The following TG variants were observed in gnomAD, a reference collection of about 807,000 sequenced individuals.
TG encodes thyroid hormones.
In TG, 270 loss-of-function variants were observed where a neutral mutation model predicts 324.7. That is an observed-to-expected ratio of 0.83 (90% confidence interval 0.75 to 0.92). TG has a LOEUF of 0.92. Ranked by LOEUF, TG falls within the 40% of genes least tolerant of loss-of-function variation. TG has a pLI of 0.00. For synonymous variants in TG, 1,401 were observed against 1,327.0 expected, an observed-to-expected ratio of 1.06 and a Z score of -1.21; for missense variants, 3,591 against 3,456.4, an observed-to-expected ratio of 1.04 and a Z score of -0.98.
intron 32 of TG, among the ~76,000 whole-genome samples, chr8:132,970,872 A>T (rs1340337990): frequency 1.3e-5 from 2 of 152,176 alleles, no homozygotes; most frequent in Non-Finnish European, 2.9e-5. Context: ...GAACTAGGAG[A>T]TGGAAAAGCA....
intron 10 of TG, among the ~76,000 whole-genome samples, chr8:132,892,853 G>GTGTGTGTGGTATGCGTGTGTGTA (rs1816436711): frequency 6.8e-6 from 1 of 147,008 alleles, no homozygotes; most frequent in African/African-American, 2.5e-5. Flanking sequence ...TGTGGTGTAT[G>GTGTGTGTGGTATGCGTGTGTGTA]TGTGTGTGGT....
In TG at chr8:132,886,972, A is replaced by T. The variant is rs1465705619; in HGVS notation, c.1600A>T (p.Thr534Ser). The change falls in exon 9 of 48, where the codon ACC (threonine) becomes TCC (serine). Residue 534 changes from threonine to serine, a missense_variant. Thr to Ser is a moderately conservative substitution (Grantham distance 58). Transcript: ENST00000220616. ...VGLDSNSSTG[T>S]PEAAKKDGTM... is the part of the protein sequence containing the mutation. ...ATTAGATTCAAATTCTTCCACAGGA[A>T]CCCCTGAAGCTGCTAAGAAGGATGG... 3 of 1,614,170 alleles carry T rather than the reference A, an allele frequency of 1.9e-6. No individual in the cohort carries two copies. The highest frequency in any genetic ancestry group is 2.5e-6 in the Non-Finnish European group (3 of 1,180,042).
At chr8:133,087,812 G>A (rs1290672806) in intron 41 of TG, 1 of 152,192 alleles carries the variant, frequency 6.6e-6, no homozygotes, top group Non-Finnish European at 1.5e-5. Context: ...GGGACTGGAT[G>A]CCTGTGAATG....
chr8:132,905,988 G>T (rs1339744673), intron 16 of TG, among the ~76,000 whole-genome samples: 1 of 152,152 alleles, frequency 6.6e-6, no homozygotes, highest in African/African-American at 2.4e-5. Context: ...GAAGAGGAAG[G>T]CAGGCTCAGC....
At chr8:133,106,949 G>A (rs1288454550) in intron 43 of TG, among the ~76,000 whole-genome samples, 3 of 152,212 alleles carry the variant, frequency 2.0e-5, no homozygotes, top group Non-Finnish European at 4.4e-5. Context: ...CTGCAGCCAT[G>A]TGTTCTCATC....
intron 34 of TG, among the ~76,000 whole-genome samples, chr8:132,978,641 G>A (rs1009238388): frequency 6.6e-6 from 1 of 152,134 alleles, no homozygotes; most frequent in Non-Finnish European, 1.5e-5. Flanking sequence ...TGTTCTGCAA[G>A]GGATTATACA....
chr8:133,024,339 TTTCTTTC>T, intron 40 of TG, among the ~76,000 whole-genome samples: 1 of 116,760 alleles, frequency 8.6e-6, no homozygotes, highest in African/African-American at 3.8e-5. Context: ...TCTTTCTTTC[TTTCTTTC>T]TTTCTTTCTT....
intron 35 of TG, among the ~76,000 whole-genome samples, chr8:132,991,729 C>T (rs968029772): frequency 3.3e-5 from 5 of 152,026 alleles, no homozygotes; most frequent in African/African-American, 9.7e-5. Context: ...ACACTCAGCA[C>T]GCGGGAACTC....
chr8:133,060,013 T>C, intron 41 of TG: 1 of 1,365,572 alleles, frequency 7.3e-7, no homozygotes, highest in Non-Finnish European at 9.9e-7. Flanking sequence ...CCCATTTAAG[T>C]AGTTACCGGC....
rs1028071498 is a variant in TG, at chr8:133,084,333, T to C, written c.7240-10711T>C. Among the ~76,000 whole-genome samples, 14 of 152,138 alleles carry C rather than the reference T, an allele frequency of 9.2e-5. 1 individual carries two copies. The highest frequency in any genetic ancestry group is 7.9e-4 in the Admixed American group (12 of 15,270). Reference sequence around the variant, plus strand: ...ACTAGAAAGAAGCAGTCAGGGTCTTTTACAAGTTATAATGATGAAATTATT... The same window carrying C: ...ACTAGAAAGAAGCAGTCAGGGTCTTCTACAAGTTATAATGATGAAATTATT... On this transcript the variant is annotated intron_variant, in intron 41 of 47. Transcript: ENST00000220616.
Position 132,891,487 on chromosome 8 carries a change from A to G in TG, c.2762-2203A>G, listed in dbSNP as rs542239203. On this transcript the variant is annotated intron_variant, in intron 10 of 47. Coordinates refer to ENST00000220616, the MANE Select transcript of TG (RefSeq NM_003235.5). ...GTAGCTGGGACTACAAGCATGCACCATCACGCCCAGCTAATTTTTGCATTT... is the reference window on the plus strand; with the variant it reads ...GTAGCTGGGACTACAAGCATGCACCGTCACGCCCAGCTAATTTTTGCATTT... Among the ~76,000 whole-genome samples the G allele has an allele frequency of 1.4e-4, 21 of 152,216 alleles. No individual in the cohort carries two copies. The East Asian group carries it at 4.1e-3, about 29-fold the overall frequency.
At chr8:132,940,250 G>A (rs920049885) in intron 25 of TG, among the ~76,000 whole-genome samples, 1 of 152,168 alleles carries the variant, frequency 6.6e-6, no homozygotes, top group Non-Finnish European at 1.5e-5. Context: ...CTGGTGTTCT[G>A]TCCACCACTC....
intron 11 of TG, 85 bp from the exon 12 acceptor site, chr8:132,897,564 A>G (rs1202499247): frequency 4.4e-6 from 7 of 1,573,066 alleles, no homozygotes; most frequent in Non-Finnish European, 6.1e-6. Flanking sequence ...TTATGTTGGA[A>G]CCAGGACATA....
At chr8:132,893,410 G>GT (rs1816603908) in intron 10 of TG, among the ~76,000 whole-genome samples, 1 of 130,024 alleles carries the variant, frequency 7.7e-6, no homozygotes, top group African/African-American at 2.9e-5. Context: ...GTATGTGTGT[G>GT]GTGTGGTGTG....
At chr8:132,975,384 G>A (rs987165722) in intron 34 of TG, among the ~76,000 whole-genome samples, 1 of 152,212 alleles carries the variant, frequency 6.6e-6, no homozygotes, top group Non-Finnish European at 1.5e-5. Context: ...ACAGGAGTTG[G>A]CAGGGGAAGG....
At chr8:133,040,494 T>A (rs1015560619) in intron 41 of TG, among the ~76,000 whole-genome samples, 16 of 152,310 alleles carry the variant, frequency 1.1e-4, no homozygotes, top group African/African-American at 3.6e-4. Context: ...AAGCAACAAG[T>A]GAGTGCCTGC....
intron 31 of TG, among the ~76,000 whole-genome samples, chr8:132,968,905 C>T (rs930918064): frequency 2.6e-5 from 4 of 152,250 alleles, no homozygotes; most frequent in South Asian, 4.1e-4. Context: ...CTGTGAAGTG[C>T]TCATGCCATG....
chr8:132,934,549 G>A (rs564599913), intron 24 of TG, among the ~76,000 whole-genome samples: 13 of 152,218 alleles, frequency 8.5e-5, no homozygotes, highest in African/African-American at 2.4e-4. Context: ...ACACGTGCTC[G>A]TGCATAAACA....
At chr8:132,932,570 G>A (rs1247006743) in intron 23 of TG, among the ~76,000 whole-genome samples, 2 of 152,168 alleles carry the variant, frequency 1.3e-5, no homozygotes, top group Non-Finnish European at 2.9e-5. Flanking sequence ...AAATGTGTAA[G>A]TGTATGCTTT....
Sources: allele counts gnomAD v4.1 joint callset (sites outside exome capture counted in the v4.1 genomes callset), GRCh38; gene constraint gnomAD v4.1.1; transcripts MANE v1.5; gene names NCBI Gene and HGNC (gene_info 2026-07-23, HGNC 2026-07-21).